The following USP14 variants were observed in gnomAD, a reference collection of about 807,000 sequenced individuals.
USP14 encodes the protein ubiquitin specific peptidase 14, also known as ubiquitin carboxyl-terminal hydrolase 14.
USP14 carries 38 observed loss-of-function variants against 76.5 expected under a neutral mutation model. The ratio of observed to expected loss-of-function variants is 0.50; its 90% CI spans 0.38 to 0.65. The LOEUF is 0.65. Among genes scored for constraint, USP14 ranks in the 30% least tolerant of loss-of-function variants. The pLI, the probability that USP14 is intolerant of heterozygous loss-of-function variation, is 0.00. For synonymous variants in USP14, 192 were observed against 191.7 expected, an observed-to-expected ratio of 1.00 and a Z score of -0.01; for missense variants, 467 against 586.5, an observed-to-expected ratio of 0.80 and a Z score of 2.10.
chr18:184,809 A>T (rs2143027935), intron 5 of USP14, among the ~76,000 whole-genome samples: 1 of 152,230 alleles, frequency 6.6e-6, no homozygotes, highest in South Asian at 2.1e-4. Context: ...ATGTATAATG[A>T]TGGAGGGTAG....
chr18:171,908 A>T (rs180869346), intron 3 of USP14, among the ~76,000 whole-genome samples: 1 of 152,266 alleles, frequency 6.6e-6, no homozygotes, highest in East Asian at 1.9e-4. Flanking sequence ...ACTTGAGTTG[A>T]GGATACAACT....
At chr18:165,129 G>T (rs988800873) in intron 2 of USP14, among the ~76,000 whole-genome samples, 1 of 151,638 alleles carries the variant, frequency 6.6e-6, no homozygotes, top group African/African-American at 2.4e-5. Context: ...TTGTATTTTT[G>T]GTAGAGACAG....
At chr18:173,201 T>G (rs1021867095) in intron 3 of USP14, among the ~76,000 whole-genome samples, 4 of 148,452 alleles carry the variant, frequency 2.7e-5, no homozygotes, top group South Asian at 2.2e-4. Context: ...CTCCACCTCC[T>G]GGTTCACGCC....
At chr18:203,233 G>T in intron 12 of USP14, 43 bp downstream of exon 12, 1 of 1,536,054 alleles carries the variant, frequency 6.5e-7, no homozygotes, top group Non-Finnish European at 8.9e-7. Flanking sequence ...GTAATTCTTT[G>T]AAGGTAATTG....
intron 3 of USP14, among the ~76,000 whole-genome samples, chr18:168,389 G>A (rs1784380): frequency 0.67 from 102,007 of 151,986 alleles, 34,338 homozygotes; most frequent in Admixed American, 0.72. Context: ...TTCAATATTC[G>A]TGACTTTCAG....
Position 209,301 on chromosome 18 carries a change from C to T in USP14, c.1165-670C>T, listed in dbSNP as rs185741257. Among the ~76,000 whole-genome samples, 12 of 152,280 alleles carry T rather than the reference C, an allele frequency of 7.9e-5. No homozygotes were observed. In the East Asian group the frequency reaches 2.3e-3, roughly 29 times the overall value. ...CATTTTTTGTTGTGGAATCCTTTGACTTCTTGCCATCACAGCTACCTGTAA... is the reference window on the plus strand; with the variant it reads ...CATTTTTTGTTGTGGAATCCTTTGATTTCTTGCCATCACAGCTACCTGTAA... On this transcript the variant is annotated intron_variant, in intron 13 of 15. Coordinates refer to ENST00000261601, the MANE Select transcript of USP14 (RefSeq NM_005151.4).
chr18:213,730 A>AAAT lies in USP14; in HGVS notation c.*2447_*2449dup, dbSNP rs1910745858. ...GACCTCATCTTAGAGCCCTAAAGGG[A>AAAT]AATGCTTATGTGGGAACAAGAAAAG... is the stretch of plus-strand genomic sequence containing the variant. On this transcript the variant is annotated 3_prime_UTR_variant, in exon 16 of 16. Transcript: ENST00000261601. 1 of 152,360 alleles carries AAAT rather than the reference A, an allele frequency of 6.6e-6. No individual in the cohort carries two copies. Among genetic ancestry groups the AAAT allele is most frequent in the African/African-American group, 2.4e-5 (1 of 41,406 alleles). 9.4% of individuals were successfully genotyped at this position (152,360 alleles called of 1,614,324 possible).
chr18:177,611 T>G (rs2144230905), intron 3 of USP14, among the ~76,000 whole-genome samples: 1 of 149,486 alleles, frequency 6.7e-6, no homozygotes, highest in Non-Finnish European at 1.5e-5. Context: ...TTTAGTCTTC[T>G]GGCTATCATT....
chr18:185,590 A>G (rs185210101), intron 5 of USP14, among the ~76,000 whole-genome samples: 21 of 152,268 alleles, frequency 1.4e-4, no homozygotes, highest in African/African-American at 5.1e-4. Context: ...TCTAGGGGAT[A>G]TGTTCATTGA....
intron 3 of USP14, 74 bp from the exon 4 acceptor site, chr18:178,859 C>T: frequency 9.0e-7 from 1 of 1,114,256 alleles, no homozygotes; most frequent in Non-Finnish European, 1.3e-6. Context: ...TCTTTTGTTC[C>T]TGGCTTCTTT....
At position 214,234 on chromosome 18, in the gene USP14, A is replaced by G; in HGVS notation, c.*2950A>G. The G allele has an allele frequency of 5.7e-6, 1 of 176,056 alleles. No individual in the cohort carries two copies. Among genetic ancestry groups the G allele is most frequent in the Non-Finnish European group, 1.2e-5 (1 of 83,026 alleles). The allele number at this position is 176,056 out of a possible 1,614,324, so 10.9% of individuals were successfully genotyped here. A position where few individuals can be genotyped will look rare whatever the true frequency, so the allele number is the denominator to read the frequency against. ...CTTGAAAGCACGAATAAGTGAGAAC[A>G]GAGCAGTCATATGGTTTCAGAAAGT... On this transcript the variant is annotated 3_prime_UTR_variant, in exon 16 of 16. Coordinates refer to ENST00000261601, the MANE Select transcript of USP14 (RefSeq NM_005151.4).
At chr18:160,530 T>C (rs1022421182) in intron 1 of USP14, among the ~76,000 whole-genome samples, 7 of 152,098 alleles carry the variant, frequency 4.6e-5, no homozygotes. Context: ...TCTCTAAAAA[T>C]AAACACACAC....
chr18:196,885 C>A, intron 7 of USP14, 118 bp downstream of exon 7: 1 of 1,310,134 alleles, frequency 7.6e-7, no homozygotes, highest in Non-Finnish European at 1.1e-6. Flanking sequence ...GTTCATGCCA[C>A]GGCTGTCTCT....
In USP14 at chr18:197,728, T is replaced by C. The variant is rs199730789; in HGVS notation, c.675+32T>C. 77 of 1,542,712 alleles carry C rather than the reference T, an allele frequency of 5.0e-5. No individual in the cohort carries two copies. In the African/African-American group the frequency reaches 5.2e-4, roughly 10 times the overall value. On this transcript the variant is annotated intron_variant, in intron 8 of 15. Coordinates refer to ENST00000261601, the MANE Select transcript of USP14 (RefSeq NM_005151.4). ...GAAATATATTTGTGATTATAGACTT[T>C]CGTTATACCTTGATTTTTTTTTTTA...
At chr18:176,893 A>T (rs1909642419) in intron 3 of USP14, among the ~76,000 whole-genome samples, 1 of 151,580 alleles carries the variant, frequency 6.6e-6, no homozygotes, top group African/African-American at 2.4e-5. Flanking sequence ...TTTCCTAATA[A>T]TTTTTTAAGG....
At chr18:196,528 A>G (rs1910240923) in intron 6 of USP14, 109 bp from the exon 7 acceptor site, 18 of 1,356,710 alleles carry the variant, frequency 1.3e-5, no homozygotes, top group Non-Finnish European at 1.7e-5. Flanking sequence ...CATCTCAAAA[A>G]AAAAAAAAAT....
chr18:206,196 C>T (rs1910525586), intron 13 of USP14, among the ~76,000 whole-genome samples: 1 of 152,228 alleles, frequency 6.6e-6, no homozygotes, highest in African/African-American at 2.4e-5. Flanking sequence ...GACTGATTCA[C>T]TTTCTCTGCA....
intron 12 of USP14, among the ~76,000 whole-genome samples, chr18:204,314 A>G (rs1219401927): frequency 6.6e-6 from 1 of 151,944 alleles, no homozygotes; most frequent in Non-Finnish European, 1.5e-5. Flanking sequence ...CTCTGTGGTT[A>G]GTTTTGTGGG....
In USP14 at chr18:192,622, A is replaced by G. The variant is rs531281064; in HGVS notation, c.405-220A>G. ...TTATATGAGTTTGACAAAGGGAAAG[A>G]GCTTAAAGTAGGCTCCATCTAAATT... On this transcript the variant is annotated intron_variant, in intron 5 of 15. Transcript: ENST00000261601. 5.9e-5 allele frequency among the ~76,000 whole-genome samples: 9 copies of G among 152,312 alleles called. No homozygotes were observed. The South Asian group carries it at 1.9e-3, about 32-fold the overall frequency.
Sources: gnomAD v4.1 joint callset for allele counts (sites outside exome capture counted in the v4.1 genomes callset) on GRCh38, gnomAD v4.1.1 for gene constraint, MANE v1.5 for transcripts, NCBI Gene and HGNC (gene_info 2026-07-23, HGNC 2026-07-21) for gene names.